ZNF398: variants seen among roughly 807,000 people sequenced by gnomAD.
ZNF398 encodes zinc finger DNA binding protein ZER6.
In ZNF398, 18 loss-of-function variants were observed where a neutral mutation model predicts 41.9. The observed-to-expected ratio is 0.43, with a 90% CI of 0.30 to 0.64. The LOEUF is 0.64. ZNF398 is among the 30% of genes least tolerant of loss of function. ZNF398 has a pLI of 0.14. For missense variants in ZNF398, 669 were observed against 822.8 expected (o/e 0.81, Z 2.29); for synonymous variants, 260 against 308.8 (o/e 0.84, Z 1.66).
chr7:149,138,020 A>G (rs1393430338), intron 2 of ZNF398, among the ~76,000 whole-genome samples: 2 of 150,104 alleles, frequency 1.3e-5, no homozygotes, highest in Non-Finnish European at 3.0e-5. Flanking sequence ...ACCAATATAG[A>G]GAAACCCCAT....
upstream of ZNF398, among the ~76,000 whole-genome samples, chr7:149,146,552 T>C (rs1826947208): frequency 6.6e-6 from 1 of 150,928 alleles, no homozygotes; most frequent in African/African-American, 2.4e-5. Context: ...TGTCTCTAAA[T>C]AAATCAATAA....
Position 149,179,025 on chromosome 7 carries a change from C to G in ZNF398, c.1153C>G (p.Leu385Val). 8 of 1,614,114 alleles carry G rather than the reference C, an allele frequency of 5.0e-6. No individual in the cohort carries two copies. Among genetic ancestry groups the G allele is most frequent in the Non-Finnish European group, 6.8e-6 (8 of 1,180,008 alleles). Residue 385 changes from leucine to valine, a missense_variant, in exon 6 of 6, where the codon CTC (leucine) becomes GTC (valine). By Grantham distance (32) the Leu-to-Val change is conservative. This residue lies in a region of ZNF398 where 290 missense variants were observed against 292.9 expected (regional missense o/e 0.99). Coordinates refer to ENST00000475153, the MANE Select transcript of ZNF398 (RefSeq NM_170686.3). The surrounding 1 kb of genome is among the most constrained non-coding windows in gnomAD (Gnocchi z 6.1). Reference protein sequence around the residue: ...CPKHFTPQADLSSTSQDHASE... With the variant: ...CPKHFTPQADVSSTSQDHASE... ...TAAGCACTTTACTCCACAGGCGGAC[C>G]TCAGCAGCACCTCCCAGGACCATGC...
chr7:149,129,459 A>G (rs949719783), intron 2 of ZNF398, among the ~76,000 whole-genome samples: 4 of 152,064 alleles, frequency 2.6e-5, no homozygotes, highest in African/African-American at 9.7e-5. Context: ...GGCTCACTGC[A>G]ACCTCCACCT....
chr7:149,158,489 A>G (rs937414951), intron 2 of ZNF398, among the ~76,000 whole-genome samples: 5 of 152,168 alleles, frequency 3.3e-5, no homozygotes, highest in African/African-American at 9.7e-5. Flanking sequence ...TCCATAGTAC[A>G]TTTTGTTTGT....
Position 149,129,903 on chromosome 7 carries a change from C to T in ZNF398, c.-490+959C>T, listed in dbSNP as rs535926861. Among the ~76,000 whole-genome samples, 11 of 152,014 alleles carry T rather than the reference C, an allele frequency of 7.2e-5. No homozygotes were observed. In the South Asian group the frequency reaches 1.5e-3, roughly 20 times the overall value. The stretch of plus-strand genomic sequence containing the variant: ...GCAACCTCCGCCTCCCAGGTTCAAG[C>T]GATTCTCCTGCCTCAGCCTCCCTAG... On this transcript the variant is annotated intron_variant, in intron 2 of 6. Coordinates refer to the ZNF398 transcript ENST00000426851.
intron 2 of ZNF398, among the ~76,000 whole-genome samples, chr7:149,141,562 C>A (rs1826827870): frequency 6.9e-6 from 1 of 144,322 alleles, no homozygotes; most frequent in South Asian, 2.3e-4. Flanking sequence ...TAATGCCATT[C>A]TCCTGCCTCA....
At chr7:149,132,039 G>A (rs752228043) in intron 2 of ZNF398, among the ~76,000 whole-genome samples, 19 of 152,200 alleles carry the variant, frequency 1.2e-4, no homozygotes, top group Admixed American at 8.5e-4. Flanking sequence ...TGCTTTTGAT[G>A]AATCTTACAT....
chr7:149,129,877 C>T (rs761313266), intron 2 of ZNF398, among the ~76,000 whole-genome samples: 35 of 150,754 alleles, frequency 2.3e-4, no homozygotes, highest in Non-Finnish European at 4.9e-4. Flanking sequence ...CTCAGCTCAC[C>T]GCAACCTCCG....
intron 2 of ZNF398, among the ~76,000 whole-genome samples, chr7:149,133,678 T>TATATATATATATATATATATATACAC (rs1483673161): frequency 4.6e-4 from 31 of 66,984 alleles, no homozygotes; most frequent in African/African-American, 1.7e-3. Context: ...TATATATATA[T>TATATATATATATATATATATATACAC]ACATATATAT....
chr7:149,176,449 T>C lies in ZNF398; in HGVS notation c.662-19T>C. 1 of 1,580,348 alleles carries C rather than the reference T, an allele frequency of 6.3e-7. No individual in the cohort carries two copies. Among genetic ancestry groups the C allele is most frequent in the Non-Finnish European group, 8.7e-7 (1 of 1,149,266 alleles). On this transcript the variant is annotated intron_variant, in intron 4 of 5. Transcript: ENST00000475153. ...ATTCAAGTTCATGAAGGCCATTTTT[T>C]TTTCCTCCCACAAATTAGAGCCTGG...
intron 1 of ZNF398, chr7:149,148,470 G>C: frequency 2.0e-6 from 2 of 985,536 alleles, no homozygotes; most frequent in Non-Finnish European, 2.4e-6. Flanking sequence ...GATCGCATTT[G>C]CCACCCAAGA....
At position 149,181,128 on chromosome 7, in the gene ZNF398, C is replaced by T. The variant is rs181894312; in HGVS notation, c.*1327C>T. ...GTTTCCTTTATGGATCTCAAATTTT[C>T]ATCTGCACAATGAGGCTGTTGAAAG... On this transcript the variant is annotated 3_prime_UTR_variant, in exon 6 of 6. Coordinates refer to ENST00000475153, the MANE Select transcript of ZNF398 (RefSeq NM_170686.3). 72 of 152,690 alleles carry T rather than the reference C, an allele frequency of 4.7e-4. No homozygotes were observed. The highest frequency in any genetic ancestry group is 1.7e-3 in the African/African-American group (70 of 41,562). The allele number at this position is 152,690 out of a possible 1,614,324, so 9.5% of individuals were successfully genotyped here.
At chr7:149,140,635 C>T (rs1316567555) in intron 2 of ZNF398, among the ~76,000 whole-genome samples, 1 of 152,100 alleles carries the variant, frequency 6.6e-6, no homozygotes, top group Non-Finnish European at 1.5e-5. Context: ...CCACCCGACT[C>T]GGCCTCCCAA....
intron 5 of ZNF398, among the ~76,000 whole-genome samples, 186 bp from the exon 6 acceptor site, chr7:149,178,456 ATAAATT>A (rs1211096439): frequency 6.6e-6 from 1 of 152,202 alleles, no homozygotes; most frequent in Non-Finnish European, 1.5e-5. Flanking sequence ...CTGTCATAAA[ATAAATT>A]TAAAGTGTCA....
At chr7:149,175,184 G>A (rs757737) in intron 4 of ZNF398, among the ~76,000 whole-genome samples, 131,003 of 152,088 alleles carry the variant, frequency 0.86, 56,570 homozygotes, top group Middle Eastern at 0.96. Flanking sequence ...AACTGATTTA[G>A]AAGACATTGG....
chr7:149,141,031 G>A (rs1826811674), intron 2 of ZNF398, among the ~76,000 whole-genome samples: 1 of 97,844 alleles, frequency 1.0e-5, no homozygotes, highest in Non-Finnish European at 2.0e-5. Flanking sequence ...CAGAGGCACA[G>A]CCTGTCTCAA....
Position 149,179,983 on chromosome 7 carries a change from A to G in ZNF398, c.*182A>G. The G allele has an allele frequency of 7.4e-6, 4 of 539,024 alleles. No homozygotes were observed. The highest frequency in any genetic ancestry group is 9.3e-6 in the Non-Finnish European group (3 of 324,176). 33.4% of individuals were successfully genotyped at this position (539,024 alleles called of 1,614,324 possible). On this transcript the variant is annotated 3_prime_UTR_variant, in exon 6 of 6. Coordinates refer to ENST00000475153, the MANE Select transcript of ZNF398 (RefSeq NM_170686.3). The surrounding 1 kb of genome is among the most constrained non-coding windows in gnomAD (Gnocchi z 6.1). ...TTTGGAATTTCACACCCTTACAAGA[A>G]TACCACATTTTGAAACCCAGAAAGA...
intron 2 of ZNF398, among the ~76,000 whole-genome samples, chr7:149,129,434 C>CAGTG (rs1168443454): frequency 6.6e-6 from 1 of 151,872 alleles, no homozygotes; most frequent in Non-Finnish European, 1.5e-5. Context: ...GGCTAGAGTG[C>CAGTG]AGTGGCTCGA....
intron 2 of ZNF398, among the ~76,000 whole-genome samples, chr7:149,162,963 G>T (rs904423020): frequency 1.3e-5 from 2 of 151,906 alleles, no homozygotes; most frequent in South Asian, 2.1e-4. Context: ...GCAACAGAGC[G>T]AGAGTCTGTC....
Sources: allele counts gnomAD v4.1 joint callset (sites outside exome capture counted in the v4.1 genomes callset), GRCh38; gene constraint gnomAD v4.1.1; regional missense constraint gnomAD v4.1.1; non-coding constraint Gnocchi (gnomAD v3.1); transcripts MANE v1.5; gene names NCBI Gene and HGNC (gene_info 2026-07-23, HGNC 2026-07-21).